The following CACNA1F variants were observed in gnomAD, a reference collection of about 807,000 sequenced individuals.
The protein encoded by CACNA1F is calcium voltage-gated channel subunit alpha1 F.
In CACNA1F, 59 loss-of-function variants were observed where a neutral mutation model predicts 143.8. The observed-to-expected ratio is 0.41, with a 90% confidence interval of 0.33 to 0.51. The LOEUF is 0.51. Among genes scored for constraint, CACNA1F ranks in the 20% least tolerant of loss-of-function variants. The pLI is 0.22. For synonymous variants in CACNA1F, 643 were observed against 649.1 expected (o/e 0.99, Z 0.14); for missense variants, 1,411 against 1,647.5 (o/e 0.86, Z 2.48).
At chrX:49,221,193 G>A (rs1290593070) in intron 17 of CACNA1F, 113 bp from the exon 18 acceptor site, 15 of 613,434 alleles carry the variant, frequency 2.4e-5, no homozygotes, top group Non-Finnish European at 3.2e-5. Context: ...CTTCCCCACT[G>A]CCCCTCCCAA....
chrX:49,224,700 T>C, intron 14 of CACNA1F, 61 bp downstream of exon 14: 5 of 705,437 alleles, frequency 7.1e-6, no homozygotes, highest in Non-Finnish European at 1.1e-5. Flanking sequence ...TCATTGGAGC[T>C]TGGGTGGGGG....
At chrX:49,220,917 C>T (rs2065768661) in intron 18 of CACNA1F, 118 bp downstream of exon 18, 5 of 648,830 alleles carry the variant, frequency 7.7e-6, no homozygotes, top group East Asian at 3.5e-5. Context: ...CCAGCCTGGG[C>T]GACAGAGTGA....
Position 49,205,770 on chromosome X carries a change from G to A in CACNA1F, c.5516C>T (p.Ala1839Val). The A allele has an allele frequency of 8.3e-7, 1 of 1,204,114 alleles. No homozygotes were observed. Among genetic ancestry groups the A allele is most frequent in the Non-Finnish European group, 1.1e-6 (1 of 891,757 alleles). Reference sequence around the variant, plus strand: ...GCCCTCTTCCACCAACAACAGCGGGGCATACAGGAGCCGACCCCGCTGAGG... The same window carrying A: ...GCCCTCTTCCACCAACAACAGCGGGACATACAGGAGCCGACCCCGCTGAGG... The part of the protein sequence containing the change: ...TPPQRGRLLY[A>V]PLLLVEEGAA... The change falls in exon 47 of 48, where the codon GCC (alanine) becomes GTC (valine). Residue 1839 changes from alanine (A) to valine (V), a missense_variant. Ala to Val is a moderately conservative substitution (Grantham distance 64, BLOSUM62 0). Around this residue, in one of 3 missense-constraint regions of CACNA1F, gnomAD observed 349 missense variants for 350.2 expected, o/e 1.00. Coordinates refer to ENST00000323022, the MANE Select transcript of CACNA1F (RefSeq NM_001256789.3).
In CACNA1F at chrX:49,214,243, G is replaced by A; in HGVS notation, c.3624C>T (p.Asn1208=). 16 of 1,186,440 alleles carry A rather than the reference G, an allele frequency of 1.3e-5. No homozygotes were observed. The highest frequency in any genetic ancestry group is 1.8e-5 in the Non-Finnish European group (16 of 872,061). ...CCATGTTGAGGATGTCCATGGCATA[G>A]TTGAAGGGAGCAGTCTGCTCATAGT... is the stretch of plus-strand genomic sequence containing the variant. The part of the protein sequence containing the change: ...MQHYEQTAPF[N]YAMDILNMVF... Residue 1208 remains asparagine (N), a synonymous_variant, in exon 30 of 48, where the codon AAC becomes AAT. Transcript: ENST00000323022.
At chrX:49,230,668 C>T in intron 4 of CACNA1F, 59 bp from the exon 5 acceptor site, 2 of 1,119,572 alleles carry the variant, frequency 1.8e-6, no homozygotes, top group Non-Finnish European at 2.4e-6. Context: ...CCCCCCTCCA[C>T]CCTAACCTTC....
chrX:49,205,674 C>G lies in CACNA1F; in HGVS notation c.5612G>C (p.Gly1871Ala), dbSNP rs1557104688. Residue 1871 changes from glycine (G) to alanine (A), a missense_variant, in exon 47 of 48, where the codon GGA becomes GCA. Gly to Ala is a moderately conservative substitution (Grantham distance 60). Around this residue, in one of 3 missense-constraint regions of CACNA1F, gnomAD observed 349 missense variants for 350.2 expected, o/e 1.00. Coordinates refer to ENST00000323022, the MANE Select transcript of CACNA1F (RefSeq NM_001256789.3). ...CCCATGGCTGGGGTCCGAGTGGGTT[C>G]CAGGCACGTGCAGACAGGTGAAGGT... Reference protein sequence around the residue: ...LRTFTCLHVPGTHSDPSHGKR... With the variant: ...LRTFTCLHVPATHSDPSHGKR... 8.3e-7 allele frequency: 1 copy of G among 1,203,345 alleles called. No homozygotes were observed. The highest frequency in any genetic ancestry group is 1.8e-5 in the African/African-American group (1 of 56,942).
intron 6 of CACNA1F, 68 bp from the exon 7 acceptor site, chrX:49,228,515 C>T: frequency 3.4e-6 from 3 of 891,544 alleles, no homozygotes; most frequent in Non-Finnish European, 4.8e-6. Flanking sequence ...CCTGAAGCCC[C>T]GCCCACTTAG....
At position 49,219,366 on chromosome X, in the gene CACNA1F, G is replaced by A. The variant is rs782044471; in HGVS notation, c.2628C>T (p.Ser876=). ...ILVFIILSSV[S]LAAEDPIRAH... ...CTCGGATGGGGTCCTCAGCGGCCAG[G>A]GACACACTGCTGAGGATGATGAACA... Residue 876 remains serine (S), a synonymous_variant, in exon 21 of 48, where the codon TCC becomes TCT. Coordinates refer to ENST00000323022, the MANE Select transcript of CACNA1F (RefSeq NM_001256789.3). The A allele has an allele frequency of 7.5e-6, 9 of 1,206,211 alleles. No individual in the cohort carries two copies. Among genetic ancestry groups the A allele is most frequent in the Non-Finnish European group, 1.0e-5 (9 of 893,152 alleles).
chrX:49,214,291 A>C (rs1429525556), intron 29 of CACNA1F, 22 bp from the exon 30 acceptor site: 5 of 964,045 alleles, frequency 5.2e-6, no homozygotes, highest in Admixed American at 2.2e-5. Flanking sequence ...AATCAGGTTG[A>C]GATGGAGCCT....
At chrX:49,228,563 C>G in intron 6 of CACNA1F, 116 bp from the exon 7 acceptor site, 1 of 552,359 alleles carries the variant, frequency 1.8e-6, no homozygotes, top group South Asian at 2.6e-5. Flanking sequence ...CTCTTTCTCT[C>G]TTTCTTTCTT....
At chrX:49,212,133 G>C in intron 34 of CACNA1F, 110 bp downstream of exon 34, 1 of 797,894 alleles carries the variant, frequency 1.3e-6, no homozygotes, top group Non-Finnish European at 1.9e-6. Flanking sequence ...ATTGACCCAG[G>C]GCCGTCCAGC....
intron 30 of CACNA1F, 77 bp from the exon 31 acceptor site, chrX:49,213,979 G>A (rs2065684106): frequency 5.5e-6 from 4 of 728,314 alleles, no homozygotes; most frequent in Non-Finnish European, 8.4e-6. Flanking sequence ...GTAGTAGGGG[G>A]CGCCGGAGGG....
At chrX:49,213,288 G>C (rs1557106696) in intron 31 of CACNA1F, among the ~76,000 whole-genome samples, 2 of 111,665 alleles carry the variant, frequency 1.8e-5, no homozygotes, top group East Asian at 5.6e-4. Context: ...AGAACCGATG[G>C]AGAAGCCAAT....
At chrX:49,223,983 C>T (rs2065799986) in intron 14 of CACNA1F, among the ~76,000 whole-genome samples, 1 of 111,135 alleles carries the variant, frequency 9.0e-6, no homozygotes, top group Non-Finnish European at 1.9e-5. Context: ...CCACCCGCCT[C>T]AGCCTCCCAA....
Position 49,206,548 on chromosome X carries a change from T to C in CACNA1F, c.5435A>G (p.Tyr1812Cys). ...GGGCCCTGAATTTCGCCCACGATGA[T>C]AGGTGCCTGGGATGGGTAAATCCTC... Reference protein sequence around the residue: ...SCEDLPIPGTYHRGRNSGPNR... With the variant: ...SCEDLPIPGTCHRGRNSGPNR... The change falls in exon 46 of 48, where the codon TAT (tyrosine) becomes TGT (cysteine). Residue 1812 changes from tyrosine to cysteine, a missense_variant. This residue lies in a region of CACNA1F where 349 missense variants were observed against 350.2 expected (regional missense o/e 1.00). Transcript: ENST00000323022. The C allele has an allele frequency of 8.3e-7, 1 of 1,210,427 alleles. No homozygotes were observed. Among genetic ancestry groups the C allele is most frequent in the Non-Finnish European group, 1.1e-6 (1 of 894,400 alleles).
intron 34 of CACNA1F, 121 bp downstream of exon 34, chrX:49,212,122 G>T: frequency 1.3e-6 from 1 of 786,205 alleles, no homozygotes; most frequent in Non-Finnish European, 1.9e-6. Context: ...CAGATGTGTA[G>T]ATTGACCCAG....
rs1557107133 is a variant in CACNA1F, at chrX:49,215,381, G to T, written c.3399C>A (p.Gly1133=). ...GFVIITFRAQ[G]EQEYQNCELD... ...GCTCACAGTTTTGGTACTCCTGCTC[G>T]CCCTGGGCACGGAAAGTGATGATGA... The change falls in exon 28 of 48, where the codon GGC becomes GGA. Residue 1133 remains glycine (G), a synonymous_variant. Coordinates refer to ENST00000323022, the MANE Select transcript of CACNA1F (RefSeq NM_001256789.3). 1.5e-5 allele frequency: 18 copies of T among 1,210,638 alleles called. No homozygotes were observed. The highest frequency in any genetic ancestry group is 1.9e-5 in the Non-Finnish European group (17 of 894,948).
chrX:49,231,898 C>T lies in CACNA1F; in HGVS notation c.55G>A (p.Gly19Arg). 8.5e-7 allele frequency: 1 copy of T among 1,179,318 alleles called. No individual in the cohort carries two copies. The highest frequency in any genetic ancestry group is 1.1e-6 in the Non-Finnish European group (1 of 879,069). The stretch of plus-strand genomic sequence containing the variant: ...CCCCATTCGGGACCAGGGCCTGCCC[C>T]ATTGGCTGGACTGGGCTCTGGGGTG... ...DTTPEPSPAN[G>R]AGPGPEWGLC... The change falls in exon 2 of 48, where the codon GGG becomes AGG. Residue 19 changes from glycine (G) to arginine (R), a missense_variant. Gly to Arg is a moderately radical substitution (Grantham distance 125, BLOSUM62 -2). Transcript: ENST00000323022.
rs782497901 is a variant in CACNA1F, at chrX:49,230,530, C to T, written c.601G>A (p.Asp201Asn). The change falls in exon 5 of 48, where the codon GAT becomes AAT. Residue 201 changes from aspartate (D) to asparagine (N), a missense_variant. By Grantham distance (23) the Asp-to-Asn change is conservative. Around this residue, in one of 3 missense-constraint regions of CACNA1F, gnomAD observed 950 missense variants for 1,128.1 expected, o/e 0.84. Coordinates refer to ENST00000323022, the MANE Select transcript of CACNA1F (RefSeq NM_001256789.3). ...PHTGGKPGGF[D>N]VKALRAFRVL... ...CGAAACGCCCTCAATGCCTTCACAT[C>T]GAAGCCTCCTGGCTTTCCCCCGGTG... 10 of 1,201,872 alleles carry T rather than the reference C, an allele frequency of 8.3e-6. No individual in the cohort carries two copies. The South Asian group carries it at 1.8e-4, about 22-fold the overall frequency.
Sources: gnomAD v4.1 joint callset for allele counts (sites outside exome capture counted in the v4.1 genomes callset) on GRCh38, gnomAD v4.1.1 for gene constraint, gnomAD v4.1.1 regional missense constraint, MANE v1.5 for transcripts, NCBI Gene and HGNC (gene_info 2026-07-23, HGNC 2026-07-21) for gene names.